The following KCNK13 variants were observed in gnomAD, a reference collection of about 807,000 sequenced individuals.
KCNK13 encodes potassium two pore domain channel subfamily K member 13, also known as potassium channel subfamily K member 13.
Under a neutral mutation model 23.4 loss-of-function variants are expected in KCNK13, and 12 were observed. That is an observed-to-expected ratio of 0.51 (90% CI 0.33 to 0.83). KCNK13 has a LOEUF of 0.83. KCNK13 is among the 40% of genes least tolerant of loss of function. The pLI, the probability that KCNK13 is intolerant of heterozygous loss-of-function variation, is 0.02. For missense variants in KCNK13, 463 were observed against 556.3 expected, an observed-to-expected ratio of 0.83 and a Z score of 1.69; for synonymous variants, 231 against 229.5, an observed-to-expected ratio of 1.01 and a Z score of -0.06.
At chr14:90,157,257 A>G (rs1320329862) in intron 1 of KCNK13, among the ~76,000 whole-genome samples, 1 of 152,204 alleles carries the variant, frequency 6.6e-6, no homozygotes, top group Non-Finnish European at 1.5e-5. Context: ...TCCTCAGTTA[A>G]CCAGAATATT....
chr14:90,076,547 T>C (rs1294971256), intron 1 of KCNK13, among the ~76,000 whole-genome samples: 2 of 152,192 alleles, frequency 1.3e-5, no homozygotes, highest in African/African-American at 4.8e-5. Flanking sequence ...AGCTCAATGC[T>C]ATCTCATTGG....
intron 1 of KCNK13, among the ~76,000 whole-genome samples, chr14:90,099,866 G>A (rs1487339481): frequency 2.0e-5 from 3 of 152,114 alleles, no homozygotes; most frequent in Admixed American, 6.5e-5. Flanking sequence ...TTCTTCCAGG[G>A]GAGGTAAAAA....
intron 1 of KCNK13, among the ~76,000 whole-genome samples, chr14:90,101,100 A>G (rs2140406317): frequency 6.6e-6 from 1 of 152,288 alleles, no homozygotes; most frequent in African/African-American, 2.4e-5. Flanking sequence ...TCCCCTGTTC[A>G]GTTTCTCAGT....
chr14:90,173,338 C>T (rs562216320), intron 1 of KCNK13, among the ~76,000 whole-genome samples: 8 of 152,150 alleles, frequency 5.3e-5, no homozygotes, highest in Non-Finnish European at 1.0e-4. Context: ...GCCTGCGTGA[C>T]GGAGTGAGAC....
chr14:90,145,170 C>T (rs560218611), intron 1 of KCNK13, among the ~76,000 whole-genome samples: 7 of 151,810 alleles, frequency 4.6e-5, no homozygotes, highest in Middle Eastern at 6.4e-3. Context: ...CACTTTGGGA[C>T]GCTGAGGCTG....
chr14:90,133,829 C>A (rs1176854299), intron 1 of KCNK13, among the ~76,000 whole-genome samples: 1 of 152,134 alleles, frequency 6.6e-6, no homozygotes, highest in African/African-American at 2.4e-5. Context: ...TCTCCTGGGG[C>A]CTCGCTATCC....
intron 1 of KCNK13, among the ~76,000 whole-genome samples, chr14:90,154,373 A>G (rs1291941645): frequency 6.8e-6 from 1 of 147,474 alleles, no homozygotes; most frequent in Non-Finnish European, 1.5e-5. Context: ...TTAACACACA[A>G]TACCTGCTCT....
intron 1 of KCNK13, among the ~76,000 whole-genome samples, chr14:90,096,097 C>T (rs540778753): frequency 4.6e-5 from 7 of 152,354 alleles, no homozygotes; most frequent in African/African-American, 1.7e-4. Context: ...CCTCCAGGAA[C>T]ATCCATGTGT....
intron 1 of KCNK13, among the ~76,000 whole-genome samples, chr14:90,065,490 A>G (rs58757761): frequency 0.018 from 2,773 of 152,262 alleles, 72 homozygotes; most frequent in African/African-American, 0.058. Context: ...AGGGAAAGTG[A>G]ATCGAGGAAG....
intron 1 of KCNK13, among the ~76,000 whole-genome samples, chr14:90,112,913 ATTTT>A (rs200299000): frequency 7.2e-6 from 1 of 139,158 alleles, no homozygotes; most frequent in Admixed American, 7.3e-5. Flanking sequence ...TGTTGAAAAG[ATTTT>A]TTTTTTTTTT....
intron 1 of KCNK13, among the ~76,000 whole-genome samples, chr14:90,075,826 T>C (rs1003211152): frequency 6.6e-6 from 1 of 152,214 alleles, no homozygotes; most frequent in Admixed American, 6.5e-5. Flanking sequence ...CTAGTTTCAT[T>C]CTTCTCATGC....
At position 90,062,338 on chromosome 14, in the gene KCNK13, C is replaced by T; in HGVS notation, c.133C>T (p.His45Tyr). 6.4e-7 allele frequency: 1 copy of T among 1,555,514 alleles called. No homozygotes were observed. Among genetic ancestry groups the T allele is most frequent in the Non-Finnish European group, 8.7e-7 (1 of 1,154,910 alleles). ...AAVFSALELA[H>Y]ERQAKQRWEE... is the part of the protein sequence containing the mutation. ...CGTCTTCTCCGCGCTGGAGCTGGCG[C>T]ACGAGCGCCAGGCCAAGCAGCGCTG... The change falls in exon 1 of 2, where the codon CAC (histidine) becomes TAC (tyrosine). Residue 45 changes from histidine to tyrosine, a missense_variant. Coordinates refer to ENST00000282146, the MANE Select transcript of KCNK13 (RefSeq NM_022054.4). The surrounding 1 kb of genome is among the most constrained non-coding windows in gnomAD (Gnocchi z 4.5).
intron 1 of KCNK13, among the ~76,000 whole-genome samples, chr14:90,148,721 T>G (rs1040232688): frequency 6.6e-6 from 1 of 152,204 alleles, no homozygotes; most frequent in Admixed American, 6.5e-5. Flanking sequence ...GGAACGCATA[T>G]TTTATCGTAT....
intron 1 of KCNK13, among the ~76,000 whole-genome samples, chr14:90,105,654 T>A (rs1420273285): frequency 6.7e-6 from 1 of 148,716 alleles, no homozygotes; most frequent in East Asian, 1.9e-4. Flanking sequence ...AGGAAGTTGT[T>A]TTTTTTTTTC....
At chr14:90,070,370 A>G (rs549730263) in intron 1 of KCNK13, among the ~76,000 whole-genome samples, 15 of 152,364 alleles carry the variant, frequency 9.8e-5, no homozygotes, top group African/African-American at 1.7e-4. Context: ...TGATTAAAAA[A>G]TACTTACAGT....
chr14:90,088,736 T>C (rs1417440743), intron 1 of KCNK13, among the ~76,000 whole-genome samples: 1 of 152,226 alleles, frequency 6.6e-6, no homozygotes, highest in African/African-American at 2.4e-5. Flanking sequence ...AAATCTCATC[T>C]TGAATTGTAA....
At chr14:90,124,639 A>C (rs1889775054) in intron 1 of KCNK13, among the ~76,000 whole-genome samples, 1 of 152,226 alleles carries the variant, frequency 6.6e-6, no homozygotes, top group Admixed American at 6.5e-5. Context: ...TCTGTGGGCA[A>C]CCTGAATGAG....
chr14:90,150,068 G>C (rs557303599), intron 1 of KCNK13, among the ~76,000 whole-genome samples: 81 of 152,154 alleles, frequency 5.3e-4, no homozygotes, highest in African/African-American at 1.9e-3. Flanking sequence ...ATACATAAGC[G>C]CTCAGAAGAG....
At chr14:90,082,768 C>T (rs1464104084) in intron 1 of KCNK13, among the ~76,000 whole-genome samples, 1 of 152,132 alleles carries the variant, frequency 6.6e-6, no homozygotes, top group Non-Finnish European at 1.5e-5. Context: ...CCACAGAACA[C>T]AAGTTTTCTG....
Sources: allele counts gnomAD v4.1 joint callset (sites outside exome capture counted in the v4.1 genomes callset), GRCh38; gene constraint gnomAD v4.1.1; non-coding constraint Gnocchi (gnomAD v3.1); transcripts MANE v1.5; gene names NCBI Gene and HGNC (gene_info 2026-07-23, HGNC 2026-07-21).